Variants in LSAMP observed in about 807,000 individuals in gnomAD.
LSAMP encodes limbic system-associated membrane protein.
Under a neutral mutation model 38.6 loss-of-function variants are expected in LSAMP, and 7 were observed. The observed-to-expected ratio is 0.18, with a 90% CI of 0.10 to 0.34. The LOEUF is 0.34. Among genes scored for constraint, LSAMP ranks in the 10% least tolerant of loss-of-function variants. The pLI, the probability that LSAMP is intolerant of heterozygous loss-of-function variation, is 1.00. For missense variants in LSAMP, 313 were observed against 420.0 expected, an observed-to-expected ratio of 0.75 and a Z score of 2.23; for synonymous variants, 154 against 166.8, an observed-to-expected ratio of 0.92 and a Z score of 0.59.
intron 1 of LSAMP, among the ~76,000 whole-genome samples, chr3:116,204,281 A>C (rs1236015689): frequency 6.7e-6 from 1 of 150,236 alleles, no homozygotes; most frequent in East Asian, 2.0e-4. Flanking sequence ...GTTTGAGTTC[A>C]TTGTAGATTC....
intron 1 of LSAMP, among the ~76,000 whole-genome samples, chr3:116,438,243 T>C (rs2049383400): frequency 6.6e-6 from 1 of 152,184 alleles, no homozygotes; most frequent in Admixed American, 6.5e-5. Flanking sequence ...TAAAATTTTC[T>C]AAAAGTTATA....
chr3:116,052,390 T>C (rs1353349820), intron 2 of LSAMP, among the ~76,000 whole-genome samples: 1 of 152,186 alleles, frequency 6.6e-6, no homozygotes, highest in Non-Finnish European at 1.5e-5. Context: ...TTTTTCAGTT[T>C]CCCCTTTATT....
At chr3:115,890,868 A>G (rs1395992002) in intron 3 of LSAMP, among the ~76,000 whole-genome samples, 2 of 151,822 alleles carry the variant, frequency 1.3e-5, no homozygotes, top group Non-Finnish European at 2.9e-5. Context: ...AGATATTGGG[A>G]TCCTCAGCCC....
At chr3:115,816,471 ATTTGGAAAAAACAGTGCTAGATGTG>A in intron 6 of LSAMP, 4 of 419,544 alleles carry the variant, frequency 9.5e-6, no homozygotes, top group South Asian at 9.1e-5. Flanking sequence ...AAAGTTCACA[ATTTGGAAAAAACAGTGCTAGATGTG>A]TTATGGAAAT....
chr3:116,420,934 A>T (rs1041566672), intron 1 of LSAMP, among the ~76,000 whole-genome samples: 1 of 152,232 alleles, frequency 6.6e-6, no homozygotes, highest in African/African-American at 2.4e-5. Flanking sequence ...TATAGAGGAA[A>T]GATAGTCTTT....
intron 6 of LSAMP, among the ~76,000 whole-genome samples, chr3:115,812,242 A>G (rs1933860518): frequency 6.6e-6 from 1 of 152,228 alleles, no homozygotes; most frequent in Non-Finnish European, 1.5e-5. Flanking sequence ...GTGTAAATCT[A>G]TGGAAACACA....
At chr3:116,201,811 G>A (rs1045638615) in intron 1 of LSAMP, among the ~76,000 whole-genome samples, 3 of 152,158 alleles carry the variant, frequency 2.0e-5, no homozygotes, top group Non-Finnish European at 4.4e-5. Flanking sequence ...CCAAGGAAAA[G>A]TGAGACTTAT....
At chr3:116,300,323 G>C (rs747838409) in intron 1 of LSAMP, among the ~76,000 whole-genome samples, 4 of 152,208 alleles carry the variant, frequency 2.6e-5, no homozygotes, top group Non-Finnish European at 5.9e-5. Flanking sequence ...CAGTTCCCAA[G>C]GGTTTGAACC....
chr3:115,962,874 A>G (rs972371467), intron 3 of LSAMP, among the ~76,000 whole-genome samples: 1 of 152,212 alleles, frequency 6.6e-6, no homozygotes, highest in Non-Finnish European at 1.5e-5. Flanking sequence ...CACATGTGCC[A>G]ATTAATCAAA....
intron 6 of LSAMP, among the ~76,000 whole-genome samples, chr3:115,820,145 A>C (rs1182598316): frequency 6.6e-6 from 1 of 151,406 alleles, no homozygotes; most frequent in African/African-American, 2.4e-5. Flanking sequence ...TTACTTTTCT[A>C]GTGAAAATGC....
intron 3 of LSAMP, among the ~76,000 whole-genome samples, chr3:115,978,672 G>A (rs905194783): frequency 6.6e-6 from 1 of 151,278 alleles, no homozygotes; most frequent in African/African-American, 2.4e-5. Context: ...TCACAGATGA[G>A]AGACTAAGAA....
chr3:116,253,287 T>C (rs1424476041), intron 1 of LSAMP, among the ~76,000 whole-genome samples: 1 of 152,162 alleles, frequency 6.6e-6, no homozygotes, highest in African/African-American at 2.4e-5. Flanking sequence ...TAATCAGTTG[T>C]CACCCATGGA....
chr3:116,143,677 T>A (rs778261279), intron 1 of LSAMP, among the ~76,000 whole-genome samples: 2 of 152,008 alleles, frequency 1.3e-5, no homozygotes, highest in Non-Finnish European at 2.9e-5. Context: ...TGTCTTTGTT[T>A]TACTTGATTA....
intron 3 of LSAMP, among the ~76,000 whole-genome samples, chr3:115,985,539 A>G (rs184278298): frequency 6.3e-4 from 96 of 152,318 alleles, no homozygotes; most frequent in Middle Eastern, 3.4e-3. Flanking sequence ...CATACCTCGT[A>G]CCCATGTTAT....
chr3:116,258,843 G>T (rs1029036772), intron 1 of LSAMP, among the ~76,000 whole-genome samples: 1 of 152,102 alleles, frequency 6.6e-6, no homozygotes, highest in Non-Finnish European at 1.5e-5. Flanking sequence ...TAAAAAGATA[G>T]AGGAGAGTGA....
At chr3:116,137,508 C>T (rs1709277790) in intron 1 of LSAMP, among the ~76,000 whole-genome samples, 1 of 152,132 alleles carries the variant, frequency 6.6e-6, no homozygotes. Flanking sequence ...GAAACTTACA[C>T]TAGTTACTTT....
At chr3:115,875,232 C>T (rs577810164) in intron 3 of LSAMP, among the ~76,000 whole-genome samples, 3 of 152,170 alleles carry the variant, frequency 2.0e-5, no homozygotes, top group East Asian at 1.9e-4. Flanking sequence ...AGGCGAGTAA[C>T]CTTAACCTAA....
intron 1 of LSAMP, among the ~76,000 whole-genome samples, chr3:116,178,256 TC>T (rs1294575490): frequency 1.3e-5 from 2 of 152,134 alleles, no homozygotes; most frequent in Admixed American, 6.5e-5. Flanking sequence ...AACCTCTGCT[TC>T]CCAGTTTCAA....
chr3:116,422,659 T>C (rs1432625047), intron 1 of LSAMP, among the ~76,000 whole-genome samples: 2 of 152,164 alleles, frequency 1.3e-5, no homozygotes, highest in Admixed American at 6.6e-5. Flanking sequence ...TAAAACTAGA[T>C]TGTGATGATG....
Sources: allele counts gnomAD v4.1 joint callset (sites outside exome capture counted in the v4.1 genomes callset), GRCh38; gene constraint gnomAD v4.1.1; transcripts MANE v1.5; gene names NCBI Gene and HGNC (gene_info 2026-07-23, HGNC 2026-07-21).